Variants in FAM117B observed in about 807,000 individuals in gnomAD.
FAM117B encodes the protein protein FAM117B.
A neutral mutation model predicts 52.8 loss-of-function variants in FAM117B; 22 were observed. The observed-to-expected ratio is 0.42, with a 90% confidence interval of 0.30 to 0.59. The LOEUF is 0.59. Ranked by LOEUF, FAM117B falls within the 20% of genes least tolerant of loss-of-function variation. The pLI is 0.22. For synonymous variants in FAM117B, 309 were observed against 324.1 expected (o/e 0.95, Z 0.50); for missense variants, 678 against 802.6 (o/e 0.84, Z 1.88).
chr2:202,723,062 G>A (rs1156453175), intron 2 of FAM117B, among the ~76,000 whole-genome samples: 1 of 152,170 alleles, frequency 6.6e-6, no homozygotes, highest in East Asian at 1.9e-4. Flanking sequence ...TAACCTCAAA[G>A]TGAAACTGGA....
intron 1 of FAM117B, among the ~76,000 whole-genome samples, chr2:202,691,698 T>TGTGTGCGC (rs1476079292): frequency 9.3e-4 from 122 of 131,148 alleles, no homozygotes; most frequent in Admixed American, 2.5e-3. Context: ...TGTGTGTGTG[T>TGTGTGCGC]GCGCGCGCGC....
chr2:202,714,533 C>CT (rs1034689626), intron 2 of FAM117B, among the ~76,000 whole-genome samples: 25,016 of 117,434 alleles, frequency 0.21, 2,728 homozygotes, highest in Non-Finnish European at 0.26. Flanking sequence ...TTTTTTTTTT[C>CT]TTTTTTTTTT....
intron 1 of FAM117B, among the ~76,000 whole-genome samples, chr2:202,648,458 A>G (rs1574540221): frequency 6.6e-6 from 1 of 151,450 alleles, no homozygotes; most frequent in African/African-American, 2.4e-5. Context: ...TGGAGGTTGC[A>G]GTGAGCCAGG....
At chr2:202,657,375 A>G (rs1004747949) in intron 1 of FAM117B, among the ~76,000 whole-genome samples, 1 of 152,176 alleles carries the variant, frequency 6.6e-6, no homozygotes, top group Admixed American at 6.5e-5. Context: ...GGGGTGATCC[A>G]CCATGCCCAG....
chr2:202,726,227 A>C (rs1193108637), intron 3 of FAM117B, 23 bp from the exon 4 acceptor site: 2 of 1,539,566 alleles, frequency 1.3e-6, no homozygotes. Flanking sequence ...ACTCTGGTGT[A>C]CTTGCTATTT....
At chr2:202,643,514 T>A (rs888621077) in intron 1 of FAM117B, among the ~76,000 whole-genome samples, 2 of 152,196 alleles carry the variant, frequency 1.3e-5, no homozygotes, top group African/African-American at 4.8e-5. Flanking sequence ...TGCTTGTCTT[T>A]ATACTATATT....
intron 2 of FAM117B, among the ~76,000 whole-genome samples, chr2:202,701,929 A>G (rs922189485): frequency 1.3e-5 from 2 of 152,244 alleles, no homozygotes; most frequent in Non-Finnish European, 2.9e-5. Flanking sequence ...TATTACATAA[A>G]CTAACTTAGT....
intron 4 of FAM117B, among the ~76,000 whole-genome samples, chr2:202,743,752 G>A (rs1691586705): frequency 6.6e-6 from 1 of 152,146 alleles, no homozygotes; most frequent in Non-Finnish European, 1.5e-5. Flanking sequence ...TAAAAATTCA[G>A]TTGAGAGCTT....
intron 4 of FAM117B, among the ~76,000 whole-genome samples, chr2:202,733,367 A>G (rs1691387937): frequency 6.6e-6 from 1 of 152,188 alleles, no homozygotes; most frequent in Admixed American, 6.5e-5. Flanking sequence ...TCAAGAGCAG[A>G]GAACTGGTCT....
intron 1 of FAM117B, among the ~76,000 whole-genome samples, chr2:202,678,278 CAA>C (rs199811020): frequency 2.9e-3 from 441 of 152,082 alleles, no homozygotes; most frequent in African/African-American, 0.01. Flanking sequence ...GCTCCTAAGC[CAA>C]GAGAGGAAAC....
chr2:202,734,563 T>C (rs1691409792), intron 4 of FAM117B, among the ~76,000 whole-genome samples: 1 of 152,244 alleles, frequency 6.6e-6, no homozygotes, highest in African/African-American at 2.4e-5. Context: ...AGGGAGGTTA[T>C]TTAACAGTGC....
chr2:202,695,621 T>C (rs1690698724), intron 1 of FAM117B, among the ~76,000 whole-genome samples: 1 of 152,230 alleles, frequency 6.6e-6, no homozygotes, highest in African/African-American at 2.4e-5. Flanking sequence ...TTATTAGTTA[T>C]TGTTGTTAAT....
At chr2:202,640,817 C>T (rs1689759589) in intron 1 of FAM117B, among the ~76,000 whole-genome samples, 1 of 152,002 alleles carries the variant, frequency 6.6e-6, no homozygotes, top group African/African-American at 2.4e-5. Context: ...CACCATGTTG[C>T]CCAGGGTGCT....
intron 1 of FAM117B, among the ~76,000 whole-genome samples, chr2:202,655,763 T>TGA (rs1559095491): frequency 1.8e-4 from 20 of 110,438 alleles, no homozygotes; most frequent in Admixed American, 9.0e-5. Context: ...AGAGAGAGAG[T>TGA]GTGTGTGTGT....
chr2:202,668,139 AAAATATAT>A lies in FAM117B; in HGVS notation c.602-27731_602-27724del, dbSNP rs889063649. 7.1e-5 allele frequency among the ~76,000 whole-genome samples: 10 copies of A among 140,716 alleles called. No homozygotes were observed. In the East Asian group the frequency reaches 1.2e-3, roughly 17 times the overall value. 92.3% of individuals were successfully genotyped at this position (140,716 alleles called of 152,430 possible). A position where few individuals can be genotyped will look rare whatever the true frequency, so the allele number is the denominator to read the frequency against. On this transcript the variant is annotated intron_variant, in intron 1 of 7. Coordinates refer to ENST00000392238, the MANE Select transcript of FAM117B (RefSeq NM_173511.4). Reference sequence around the variant, plus strand: ...ATTTTTATAAAATATATATTTTATAAAAATATATAAATATATAATTATATAATACATAC... The same window carrying A: ...ATTTTTATAAAATATATATTTTATAAAAATATATAATTATATAATACATAC...
chr2:202,668,462 A>T (rs1025265781), intron 1 of FAM117B, among the ~76,000 whole-genome samples: 5 of 134,570 alleles, frequency 3.7e-5, no homozygotes, highest in African/African-American at 1.4e-4. Flanking sequence ...TGAGAAGTGG[A>T]GGTTGCAGTG....
chr2:202,697,822 T>C (rs1050446242), intron 2 of FAM117B, among the ~76,000 whole-genome samples: 2 of 152,064 alleles, frequency 1.3e-5, no homozygotes, highest in Non-Finnish European at 2.9e-5. Flanking sequence ...AGTGCTGGGA[T>C]TACAGGTGTG....
intron 4 of FAM117B, among the ~76,000 whole-genome samples, chr2:202,728,720 A>G (rs915196188): frequency 6.6e-6 from 1 of 152,194 alleles, no homozygotes; most frequent in Non-Finnish European, 1.5e-5. Context: ...TGAAGTGATT[A>G]TTTTTTAAAC....
chr2:202,747,695 AG>A (rs1691656181), intron 4 of FAM117B, among the ~76,000 whole-genome samples: 2 of 152,134 alleles, frequency 1.3e-5, no homozygotes, highest in African/African-American at 4.8e-5. Flanking sequence ...AAAGCAATTC[AG>A]GTTACAATAG....
Sources: allele counts gnomAD v4.1 joint callset (sites outside exome capture counted in the v4.1 genomes callset), GRCh38; gene constraint gnomAD v4.1.1; transcripts MANE v1.5; gene names NCBI Gene and HGNC (gene_info 2026-07-23, HGNC 2026-07-21).